The following RAP1GDS1 variants were observed in gnomAD, a reference collection of about 807,000 sequenced individuals.
RAP1GDS1 encodes the protein Rap1 GTPase-GDP dissociation stimulator 1.
RAP1GDS1 carries 35 observed loss-of-function variants against 71.1 expected under a neutral mutation model. The observed-to-expected ratio is 0.49, with a 90% CI of 0.38 to 0.65. The LOEUF is 0.65. RAP1GDS1 is among the 30% of genes least tolerant of loss of function. RAP1GDS1 has a pLI of 0.00. For synonymous variants in RAP1GDS1, 229 were observed against 243.1 expected (o/e 0.94, Z 0.54); for missense variants, 663 against 706.1 (o/e 0.94, Z 0.69).
chr4:98,331,654 C>T (rs909585199), intron 2 of RAP1GDS1, among the ~76,000 whole-genome samples: 2 of 152,098 alleles, frequency 1.3e-5, no homozygotes, highest in Non-Finnish European at 2.9e-5. Context: ...TACCATTTGA[C>T]AATGTTTCTT....
intron 4 of RAP1GDS1, among the ~76,000 whole-genome samples, chr4:98,372,512 C>T (rs1399354518): frequency 6.6e-6 from 1 of 152,100 alleles, no homozygotes; most frequent in Non-Finnish European, 1.5e-5. Context: ...AGTGGTTGCC[C>T]TGTGGCTTGC....
At chr4:98,301,346 C>T (rs1178446428) in intron 2 of RAP1GDS1, among the ~76,000 whole-genome samples, 1 of 152,064 alleles carries the variant, frequency 6.6e-6, no homozygotes, top group Non-Finnish European at 1.5e-5. Context: ...AGATTCTCAA[C>T]TAAAGTGTCA....
chr4:98,370,382 G>C (rs1740190273), intron 4 of RAP1GDS1, among the ~76,000 whole-genome samples: 1 of 152,076 alleles, frequency 6.6e-6, no homozygotes, highest in Non-Finnish European at 1.5e-5. Flanking sequence ...TCTACCTATT[G>C]TGGATTCATT....
chr4:98,406,993 G>T (rs929702237), intron 7 of RAP1GDS1, among the ~76,000 whole-genome samples: 1 of 151,966 alleles, frequency 6.6e-6, no homozygotes, highest in African/African-American at 2.4e-5. Flanking sequence ...TATTCAGAGG[G>T]AAATTTTTTG....
intron 1 of RAP1GDS1, among the ~76,000 whole-genome samples, chr4:98,282,652 C>T (rs1168911161): frequency 6.6e-6 from 1 of 151,278 alleles, no homozygotes; most frequent in African/African-American, 2.4e-5. Context: ...TATCTCTTGC[C>T]TTCTGCTAGC....
chr4:98,264,267 G>C (rs903164660), intron 1 of RAP1GDS1, among the ~76,000 whole-genome samples: 1 of 152,050 alleles, frequency 6.6e-6, no homozygotes, highest in Non-Finnish European at 1.5e-5. Context: ...GTGGTGGCGG[G>C]CGCCTGTAAT....
At position 98,442,099 on chromosome 4, in the gene RAP1GDS1, A is replaced by G. The variant is rs1018050208; in HGVS notation, c.1806A>G (p.Arg602=). ...AGCAGGCCTCTCTCACAGAGCAGAG[A>G]CTTACTGTGGAAAGCTGAGAACTGC... ...VAQQASLTEQ[R]LTVES The change falls in exon 15 of 15, where the codon AGA becomes AGG. Residue 602 remains arginine (R), a synonymous_variant. Transcript: ENST00000408927. 6 of 1,613,518 alleles carry G rather than the reference A, an allele frequency of 3.7e-6. No homozygotes were observed. In the Admixed American group the frequency reaches 6.7e-5, roughly 18 times the overall value.
chr4:98,280,448 A>T (rs1724906019), intron 1 of RAP1GDS1, among the ~76,000 whole-genome samples: 1 of 151,776 alleles, frequency 6.6e-6, no homozygotes, highest in Non-Finnish European at 1.5e-5. Context: ...CCACTTTTTG[A>T]TGGGGTTGTT....
intron 1 of RAP1GDS1, among the ~76,000 whole-genome samples, chr4:98,280,049 A>G (rs547559079): frequency 2.0e-5 from 3 of 152,326 alleles, no homozygotes; most frequent in South Asian, 4.1e-4. Context: ...TGCTATTGTG[A>G]ATAGTGCCGC....
chr4:98,362,009 T>C (rs1428851508), intron 4 of RAP1GDS1, among the ~76,000 whole-genome samples: 1 of 152,210 alleles, frequency 6.6e-6, no homozygotes, highest in Non-Finnish European at 1.5e-5. Flanking sequence ...AATTGCGTTT[T>C]GAGTTTTAGA....
At chr4:98,390,450 CTTCCATTT>C (rs1743439973) in intron 5 of RAP1GDS1, among the ~76,000 whole-genome samples, 1 of 152,004 alleles carries the variant, frequency 6.6e-6, no homozygotes, top group African/African-American at 2.4e-5. Context: ...TAAACATAAA[CTTCCATTT>C]TTCCATGTTT....
intron 2 of RAP1GDS1, among the ~76,000 whole-genome samples, chr4:98,327,319 T>C (rs1203707909): frequency 2.6e-5 from 4 of 152,128 alleles, no homozygotes; most frequent in Non-Finnish European, 5.9e-5. Flanking sequence ...AGGTTTTTAA[T>C]AGAAAAAAAT....
chr4:98,405,421 C>T (rs1348879782), intron 7 of RAP1GDS1, among the ~76,000 whole-genome samples: 2 of 151,772 alleles, frequency 1.3e-5, no homozygotes, highest in African/African-American at 4.8e-5. Flanking sequence ...CCAATATGAA[C>T]TAAAAGGAAA....
chr4:98,312,730 GATAT>G (rs199836923), intron 2 of RAP1GDS1, among the ~76,000 whole-genome samples: 3 of 150,956 alleles, frequency 2.0e-5, no homozygotes, highest in Admixed American at 6.6e-5. Context: ...TAGATGTATA[GATAT>G]ATATATATAG....
chr4:98,269,557 T>G (rs1176829825), intron 1 of RAP1GDS1, among the ~76,000 whole-genome samples: 1 of 152,084 alleles, frequency 6.6e-6, no homozygotes, highest in Non-Finnish European at 1.5e-5. Context: ...GGGAAATATT[T>G]GCAAGCCGTA....
At chr4:98,289,719 G>T (rs1176824715) in intron 1 of RAP1GDS1, among the ~76,000 whole-genome samples, 1 of 152,002 alleles carries the variant, frequency 6.6e-6, no homozygotes, top group African/African-American at 2.4e-5. Flanking sequence ...GCTTCATTCT[G>T]TCAGATACTA....
At chr4:98,360,388 A>C (rs1738558032) in intron 4 of RAP1GDS1, among the ~76,000 whole-genome samples, 1 of 144,746 alleles carries the variant, frequency 6.9e-6, no homozygotes, top group Non-Finnish European at 1.5e-5. Context: ...CAGAAGTCTG[A>C]ATGGCTTTAG....
chr4:98,396,795 C>T (rs1390880386), intron 6 of RAP1GDS1: 7 of 152,028 alleles, frequency 4.6e-5, no homozygotes, highest in Admixed American at 2.0e-4. Context: ...TTTATTGATT[C>T]GTGTAAATAT....
In RAP1GDS1 at chr4:98,352,510, G is replaced by A. The variant is rs2110422038; in HGVS notation, c.270G>A (p.Leu90=). 1 of 1,613,960 alleles carries A rather than the reference G, an allele frequency of 6.2e-7. No individual in the cohort carries two copies. Among genetic ancestry groups the A allele is most frequent in the East Asian group, 2.2e-5 (1 of 44,874 alleles). The change falls in exon 4 of 15, where the codon TTG becomes TTA. Residue 90 remains leucine (L), a synonymous_variant. Transcript: ENST00000408927. ...FMRIPCVDAG[L]ISPLVQLLNS... is the part of the protein sequence containing the mutation. Reference sequence around the variant, plus strand: ...GAATTCCATGTGTGGATGCTGGATTGATTTCACCACTGGTGCAGCTGCTAA... The same window carrying A: ...GAATTCCATGTGTGGATGCTGGATTAATTTCACCACTGGTGCAGCTGCTAA...
Sources: gnomAD v4.1 joint callset for allele counts (sites outside exome capture counted in the v4.1 genomes callset) on GRCh38, gnomAD v4.1.1 for gene constraint, MANE v1.5 for transcripts, NCBI Gene and HGNC (gene_info 2026-07-23, HGNC 2026-07-21) for gene names.